Variants in ZNF407 observed in about 807,000 individuals in gnomAD.
ZNF407 encodes zinc finger protein 407.
A neutral mutation model predicts 131.2 loss-of-function variants in ZNF407; 17 were observed. That is an observed-to-expected ratio of 0.13 (90% CI 0.09 to 0.19). The LOEUF (loss-of-function observed/expected upper bound fraction) is 0.19. ZNF407 is among the 10% of genes least tolerant of loss of function. The pLI is 1.00. For missense variants in ZNF407, 2,681 were observed against 2,830.6 expected (o/e 0.95, Z 1.20); for synonymous variants, 1,156 against 1,062.0 (o/e 1.09, Z -1.72).
At position 75,064,171 on chromosome 18, in the gene ZNF407, G is replaced by T. The variant is rs753928114; in HGVS notation, c.6450G>T (p.Glu2150Asp). Reference sequence around the variant, plus strand: ...TCTCGCAGATCATCGTGACGGAGGAGCTGGTCCAGGCCATGGTGCAGGAGT... The same window carrying T: ...TCTCGCAGATCATCGTGACGGAGGATCTGGTCCAGGCCATGGTGCAGGAGT... Reference protein sequence around the residue: ...GEISQIIVTEELVQAMVQESS... With the variant: ...GEISQIIVTEDLVQAMVQESS... Residue 2150 changes from glutamate to aspartate, a missense_variant, in exon 9 of 9, where the codon GAG becomes GAT. Glu to Asp is a conservative substitution (Grantham distance 45). Around this residue, in one of 6 missense-constraint regions of ZNF407, gnomAD observed 620 missense variants for 583.1 expected, o/e 1.06. Transcript: ENST00000299687. 1 of 1,604,266 alleles carries T rather than the reference G, an allele frequency of 6.2e-7. No homozygotes were observed. Among genetic ancestry groups the T allele is most frequent in the South Asian group, 1.1e-5 (1 of 89,082 alleles).
chr18:74,952,627 C>G (rs550071051), intron 8 of ZNF407, among the ~76,000 whole-genome samples: 3 of 152,156 alleles, frequency 2.0e-5, no homozygotes, highest in Admixed American at 1.3e-4. Flanking sequence ...ATTGTGCATA[C>G]AAGGTTAGGG....
chr18:74,823,442 T>C (rs1949958742), intron 4 of ZNF407, among the ~76,000 whole-genome samples: 1 of 152,104 alleles, frequency 6.6e-6, no homozygotes, highest in Admixed American at 6.5e-5. Flanking sequence ...TCAAGACCCA[T>C]TGGTGTGCTG....
chr18:74,796,800 A>G (rs954402922), intron 4 of ZNF407, among the ~76,000 whole-genome samples: 2 of 152,192 alleles, frequency 1.3e-5, no homozygotes, highest in Non-Finnish European at 2.9e-5. Context: ...TCATTTTCTG[A>G]CAGTCCTTGA....
intron 4 of ZNF407, chr18:74,804,456 G>A (rs566014167): frequency 1.2e-5 from 12 of 990,794 alleles, no homozygotes; most frequent in East Asian, 1.1e-4. Flanking sequence ...GAAGTCTTTC[G>A]TTAATCAGCA....
At chr18:74,620,174 T>C (rs1983458100) in intron 1 of ZNF407, among the ~76,000 whole-genome samples, 1 of 152,242 alleles carries the variant, frequency 6.6e-6, no homozygotes, top group Non-Finnish European at 1.5e-5. Flanking sequence ...ATGGTTGATA[T>C]AAGGTTGTCA....
chr18:74,806,917 A>G (rs1033501079), intron 4 of ZNF407, among the ~76,000 whole-genome samples: 4 of 152,238 alleles, frequency 2.6e-5, no homozygotes, highest in African/African-American at 9.6e-5. Flanking sequence ...TTTCTCAGGC[A>G]TGGCATGGTT....
At chr18:74,789,982 C>A (rs959378437) in intron 4 of ZNF407, among the ~76,000 whole-genome samples, 1 of 151,974 alleles carries the variant, frequency 6.6e-6, no homozygotes, top group East Asian at 1.9e-4. Flanking sequence ...GATGCCCTGG[C>A]CACTGTCTTC....
chr18:75,021,316 T>G (rs1278918030), intron 8 of ZNF407, among the ~76,000 whole-genome samples: 1 of 152,006 alleles, frequency 6.6e-6, no homozygotes, highest in Non-Finnish European at 1.5e-5. Context: ...TCACCCAGGC[T>G]GGAGTACAGT....
chr18:74,730,982 A>G (rs377694578), intron 3 of ZNF407, among the ~76,000 whole-genome samples: 2 of 152,204 alleles, frequency 1.3e-5, no homozygotes, highest in African/African-American at 2.4e-5. Flanking sequence ...ATTGAAAAAT[A>G]ACTTTATTAA....
chr18:74,834,695 C>G (rs1332430075), intron 4 of ZNF407, among the ~76,000 whole-genome samples: 1 of 152,206 alleles, frequency 6.6e-6, no homozygotes, highest in Middle Eastern at 3.2e-3. Flanking sequence ...ATCCTTCCTT[C>G]CCGCAGGCTG....
At chr18:74,722,880 G>C (rs1026182770) in intron 3 of ZNF407, among the ~76,000 whole-genome samples, 10 of 152,046 alleles carry the variant, frequency 6.6e-5, no homozygotes, top group Admixed American at 5.9e-4. Flanking sequence ...CTCTCCCAAA[G>C]TTTCTTTTGT....
intron 8 of ZNF407, among the ~76,000 whole-genome samples, chr18:75,034,476 G>A (rs1278570316): frequency 1.3e-4 from 19 of 151,620 alleles, no homozygotes; most frequent in Admixed American, 1.2e-3. Context: ...GCTAATTTTT[G>A]TATTTTTAGT....
chr18:74,623,265 T>C (rs1983635054), intron 1 of ZNF407, among the ~76,000 whole-genome samples: 2 of 151,838 alleles, frequency 1.3e-5, no homozygotes, highest in South Asian at 4.1e-4. Flanking sequence ...AGTGTGTGTG[T>C]GCATGAGTGT....
intron 4 of ZNF407, among the ~76,000 whole-genome samples, chr18:74,808,343 CTT>C (rs577381478): frequency 3.6e-4 from 54 of 152,062 alleles, no homozygotes; most frequent in Non-Finnish European, 6.9e-4. Context: ...ATTTTAGTAT[CTT>C]TGCTCATAAA....
At chr18:74,794,139 C>T (rs1969875854) in intron 4 of ZNF407, among the ~76,000 whole-genome samples, 1 of 152,202 alleles carries the variant, frequency 6.6e-6, no homozygotes, top group Non-Finnish European at 1.5e-5. Context: ...TGTTTTCTCT[C>T]CGGGTGAGAA....
chr18:74,668,258 A>AT (rs1377270182), intron 3 of ZNF407, among the ~76,000 whole-genome samples: 1 of 152,208 alleles, frequency 6.6e-6, no homozygotes, highest in African/African-American at 2.4e-5. Context: ...GGCTATGTGT[A>AT]TAGGTATTTG....
chr18:74,739,473 T>A (rs1316746730), intron 3 of ZNF407, among the ~76,000 whole-genome samples: 1 of 151,710 alleles, frequency 6.6e-6, no homozygotes, highest in Non-Finnish European at 1.5e-5. Flanking sequence ...TCAGAGAATG[T>A]TCTTACATTT....
intron 3 of ZNF407, 95 bp from the exon 4 acceptor site, chr18:74,781,333 G>A: frequency 2.3e-6 from 2 of 873,712 alleles, no homozygotes; most frequent in Non-Finnish European, 3.5e-6. Flanking sequence ...TTTATGTTAT[G>A]TTTGCATATA....
chr18:74,725,481 GT>G (rs1225515456), intron 3 of ZNF407, among the ~76,000 whole-genome samples: 1 of 152,126 alleles, frequency 6.6e-6, no homozygotes, highest in African/African-American at 2.4e-5. Flanking sequence ...TATAAAAGTA[GT>G]TTCTTTAGTA....
Sources: allele counts gnomAD v4.1 joint callset (sites outside exome capture counted in the v4.1 genomes callset), GRCh38; gene constraint gnomAD v4.1.1; regional missense constraint gnomAD v4.1.1; transcripts MANE v1.5; gene names NCBI Gene and HGNC (gene_info 2026-07-23, HGNC 2026-07-21).